The following PABPC4L variants were observed in gnomAD, a reference collection of about 807,000 sequenced individuals.
PABPC4L encodes poly(A) binding protein cytoplasmic 4 like.
For missense variants in PABPC4L, 452 were observed against 451.4 expected, an observed-to-expected ratio of 1.00 and a Z score of -0.01; for synonymous variants, 169 against 164.1, an observed-to-expected ratio of 1.03 and a Z score of -0.23.
At chr4:134,185,155 A>G in the PABPC4L span, among the ~76,000 whole-genome samples, 1 of 151,958 alleles carries the variant, frequency 6.6e-6, no homozygotes, top group African/African-American at 2.4e-5. Context: ...TTTTCAATAT[A>G]TTCCAGCTTA....
the PABPC4L span, among the ~76,000 whole-genome samples, chr4:134,061,702 A>T: frequency 2.0e-5 from 3 of 151,734 alleles, no homozygotes. Flanking sequence ...ACTTCAAAAG[A>T]GGAGGGGATT....
the PABPC4L span, among the ~76,000 whole-genome samples, chr4:134,190,904 G>A: frequency 1.3e-5 from 2 of 152,074 alleles, no homozygotes; most frequent in South Asian, 2.1e-4. Flanking sequence ...TGCCCACCTC[G>A]GCCTCCCAAT....
the PABPC4L span, among the ~76,000 whole-genome samples, chr4:134,171,468 G>C: frequency 1.3e-5 from 2 of 152,024 alleles, no homozygotes; most frequent in Admixed American, 1.3e-4. Context: ...TTTTAAATGG[G>C]GCTGTTTTTT....
At chr4:134,042,012 C>A in the PABPC4L span, among the ~76,000 whole-genome samples, 2 of 152,140 alleles carry the variant, frequency 1.3e-5, no homozygotes, top group African/African-American at 4.8e-5. Context: ...GGAATCAACC[C>A]AACTGCTCAT....
the PABPC4L span, among the ~76,000 whole-genome samples, chr4:134,186,590 T>A: frequency 6.6e-6 from 1 of 152,112 alleles, no homozygotes; most frequent in South Asian, 2.1e-4. Flanking sequence ...ATAAAAACCC[T>A]AGAAGAAAAC....
the PABPC4L span, among the ~76,000 whole-genome samples, chr4:134,121,931 C>A: frequency 6.6e-6 from 1 of 151,926 alleles, no homozygotes; most frequent in South Asian, 2.1e-4. Context: ...AAGACAAGTT[C>A]GCCATGATGT....
chr4:133,984,921 G>A, the PABPC4L span, among the ~76,000 whole-genome samples: 2 of 151,888 alleles, frequency 1.3e-5, no homozygotes, highest in Admixed American at 6.6e-5. Flanking sequence ...GACTAACCCA[G>A]GAACAGGGAA....
chr4:134,116,423 T>G, the PABPC4L span, among the ~76,000 whole-genome samples: 2 of 151,800 alleles, frequency 1.3e-5, no homozygotes, highest in African/African-American at 4.8e-5. Flanking sequence ...CTCTTTGATG[T>G]TTTTCAAGTA....
the PABPC4L span, among the ~76,000 whole-genome samples, chr4:134,027,999 G>A: frequency 6.6e-6 from 1 of 152,138 alleles, no homozygotes; most frequent in African/African-American, 2.4e-5. Context: ...GGCAGCATTA[G>A]ATAGCTGGGA....
the PABPC4L span, among the ~76,000 whole-genome samples, chr4:133,989,490 G>A: frequency 6.6e-6 from 1 of 152,148 alleles, no homozygotes; most frequent in Non-Finnish European, 1.5e-5. Context: ...ATCTCCATCT[G>A]AGACCGTATC....
chr4:134,137,592 CA>C, the PABPC4L span, among the ~76,000 whole-genome samples: 11 of 151,844 alleles, frequency 7.2e-5, no homozygotes, highest in African/African-American at 2.4e-4. Context: ...TTTCTAGTCA[CA>C]AAAATTCAAA....
the PABPC4L span, among the ~76,000 whole-genome samples, chr4:134,137,443 A>G: frequency 6.6e-6 from 1 of 151,954 alleles, no homozygotes; most frequent in East Asian, 1.9e-4. Context: ...GAGTTGCTTT[A>G]TTTCATTTGA....
the PABPC4L span, among the ~76,000 whole-genome samples, chr4:134,069,809 C>T: frequency 6.6e-6 from 1 of 151,982 alleles, no homozygotes; most frequent in Non-Finnish European, 1.5e-5. Flanking sequence ...ATTCTGAGTT[C>T]TATTTCTGTC....
At chr4:134,117,858 G>A in the PABPC4L span, among the ~76,000 whole-genome samples, 1 of 151,792 alleles carries the variant, frequency 6.6e-6, no homozygotes, top group Non-Finnish European at 1.5e-5. Flanking sequence ...CATTCTTGCT[G>A]CATATGCCAG....
the PABPC4L span, among the ~76,000 whole-genome samples, chr4:133,974,707 A>G: frequency 3.9e-5 from 6 of 152,136 alleles, no homozygotes; most frequent in Non-Finnish European, 8.8e-5. Context: ...AAAAGGGTCA[A>G]GTAATTTTAA....
At chr4:133,968,839 A>G in the PABPC4L span, among the ~76,000 whole-genome samples, 309 of 152,332 alleles carry the variant, frequency 2.0e-3, 2 homozygotes, top group Non-Finnish European at 3.7e-3. Context: ...CAAGCCATAC[A>G]AGAGTGATTT....
the PABPC4L span, among the ~76,000 whole-genome samples, chr4:133,999,491 A>T: frequency 6.6e-6 from 1 of 152,126 alleles, no homozygotes; most frequent in East Asian, 1.9e-4. Context: ...TCAATGACAC[A>T]AAATATATAT....
At chr4:134,011,680 C>A in the PABPC4L span, among the ~76,000 whole-genome samples, 2 of 151,228 alleles carry the variant, frequency 1.3e-5, no homozygotes, top group East Asian at 1.9e-4. Context: ...TAACGCCAAA[C>A]TTTTTGAAGA....
chr4:134,179,615 C>T, the PABPC4L span, among the ~76,000 whole-genome samples: 2 of 151,990 alleles, frequency 1.3e-5, no homozygotes, highest in African/African-American at 4.8e-5. Context: ...AATGGGAAAC[C>T]AAACAGCATG....
Sources: allele counts gnomAD v4.1 joint callset (sites outside exome capture counted in the v4.1 genomes callset), GRCh38; gene constraint gnomAD v4.1.1; transcripts MANE v1.5; gene names NCBI Gene and HGNC (gene_info 2026-07-23, HGNC 2026-07-21).